Variants in SERGEF observed in about 807,000 individuals in gnomAD.
The protein encoded by SERGEF is secretion-regulating guanine nucleotide exchange factor.
A neutral mutation model predicts 50.0 loss-of-function variants in SERGEF; 51 were observed. That is an observed-to-expected ratio of 1.02 (90% CI 0.81 to 1.29). The LOEUF (loss-of-function observed/expected upper bound fraction) is 1.29, where lower values mean the gene tolerates loss of function less well. Among genes scored for constraint, SERGEF ranks in the 50% most tolerant of loss-of-function variants. The pLI is 0.00. For synonymous variants in SERGEF, 205 were observed against 212.4 expected (o/e 0.97, Z 0.30); for missense variants, 521 against 557.0 (o/e 0.94, Z 0.65).
chr11:17,828,581 CCT>C (rs1340390086), intron 10 of SERGEF, among the ~76,000 whole-genome samples: 1 of 152,066 alleles, frequency 6.6e-6, no homozygotes, highest in African/African-American at 2.4e-5. Flanking sequence ...GCTATTTTTT[CCT>C]CTTTGGGAAA....
At position 17,808,415 on chromosome 11, in the gene SERGEF, G is replaced by A. The variant is rs182707471; in HGVS notation, c.1049-20002C>T. ...ATGGTGAAAGCAGGAGCAAAAGAGCGAGCAGGGGGAAGTGCCATGCGCTTT... is the reference window on the plus strand; with the variant it reads ...ATGGTGAAAGCAGGAGCAAAAGAGCAAGCAGGGGGAAGTGCCATGCGCTTT... On this transcript the variant is annotated intron_variant, in intron 10 of 10. Coordinates refer to ENST00000265965, the MANE Select transcript of SERGEF (RefSeq NM_012139.4). Among the ~76,000 whole-genome samples, 129 of 152,238 alleles carry A rather than the reference G, an allele frequency of 8.5e-4. 1 individual carries two copies. The highest frequency in any genetic ancestry group is 1.5e-3 in the Non-Finnish European group (103 of 68,026).
intron 9 of SERGEF, among the ~76,000 whole-genome samples, chr11:17,911,774 T>C (rs11024429): frequency 0.49 from 75,067 of 151,936 alleles, 19,700 homozygotes; most frequent in East Asian, 0.75. Flanking sequence ...AGGCATTATC[T>C]ACCATGCCCA....
At chr11:17,853,934 C>T (rs1850763180) in intron 10 of SERGEF, 1 of 151,786 alleles carries the variant, frequency 6.6e-6, no homozygotes, top group Non-Finnish European at 1.5e-5. Context: ...GGCAGGGGAA[C>T]CGCTTGAAAT....
At chr11:17,900,585 G>A (rs535162802) in intron 9 of SERGEF, among the ~76,000 whole-genome samples, 52 of 152,082 alleles carry the variant, frequency 3.4e-4, no homozygotes, top group Non-Finnish European at 6.6e-4. Context: ...AGCTTATTGA[G>A]TCAATGGTTC....
chr11:17,963,237 C>G (rs183754951), intron 8 of SERGEF, among the ~76,000 whole-genome samples: 2 of 138,350 alleles, frequency 1.4e-5, no homozygotes, highest in African/African-American at 2.7e-5. Flanking sequence ...ATAAGGGTCA[C>G]AAGAGAAGGA....
At chr11:17,814,715 G>A (rs1849932515) in intron 10 of SERGEF, among the ~76,000 whole-genome samples, 1 of 152,226 alleles carries the variant, frequency 6.6e-6, no homozygotes, top group South Asian at 2.1e-4. Context: ...CCCTAGGTCT[G>A]TGAGGAAGTG....
intron 9 of SERGEF, among the ~76,000 whole-genome samples, chr11:17,904,218 A>T (rs934664394): frequency 6.6e-6 from 1 of 152,254 alleles, no homozygotes; most frequent in Admixed American, 6.5e-5. Flanking sequence ...AAGTAGGAAC[A>T]TTGGCCACAG....
chr11:17,829,879 CA>C lies in SERGEF; in HGVS notation c.1049-41467del, dbSNP rs200610545. On this transcript the variant is annotated intron_variant, in intron 10 of 10. Coordinates refer to ENST00000265965, the MANE Select transcript of SERGEF (RefSeq NM_012139.4). ...GATTTGGGTAGGTTGAAAAAGAAAACAAAAAACACATAAACATTGAGTTCCT... is the reference window on the plus strand; with the variant it reads ...GATTTGGGTAGGTTGAAAAAGAAAACAAAAACACATAAACATTGAGTTCCT... 2.0e-5 allele frequency among the ~76,000 whole-genome samples: 3 copies of C among 152,168 alleles called. No homozygotes were observed. In the East Asian group the frequency reaches 5.8e-4, roughly 29 times the overall value.
At chr11:17,986,811 T>G (rs558941437) in intron 8 of SERGEF, among the ~76,000 whole-genome samples, 24 of 152,338 alleles carry the variant, frequency 1.6e-4, no homozygotes, top group African/African-American at 5.8e-4. Flanking sequence ...ACTGCTAATT[T>G]CTATGCGACT....
intron 10 of SERGEF, among the ~76,000 whole-genome samples, chr11:17,857,730 C>T (rs1241004575): frequency 6.6e-6 from 1 of 152,242 alleles, no homozygotes. Context: ...TGCAGTCACA[C>T]AACTTCCAGC....
intron 9 of SERGEF, among the ~76,000 whole-genome samples, chr11:17,959,171 C>G (rs1433084485): frequency 6.6e-6 from 1 of 152,132 alleles, no homozygotes; most frequent in Non-Finnish European, 1.5e-5. Context: ...GCCTGGCCAG[C>G]CTTGTCATTT....
At chr11:17,793,984 G>C (rs982902820) in intron 10 of SERGEF, among the ~76,000 whole-genome samples, 5 of 152,238 alleles carry the variant, frequency 3.3e-5, no homozygotes, top group Admixed American at 6.5e-5. Flanking sequence ...ACCTGCCCGA[G>C]CTTCTTGGCA....
chr11:17,983,130 A>T (rs1471926828), intron 8 of SERGEF, among the ~76,000 whole-genome samples: 1 of 152,214 alleles, frequency 6.6e-6, no homozygotes, highest in Non-Finnish European at 1.5e-5. Flanking sequence ...TATTCCTTGT[A>T]AGACCACAAG....
chr11:17,905,203 C>T (rs1428170320), intron 9 of SERGEF, among the ~76,000 whole-genome samples: 1 of 152,164 alleles, frequency 6.6e-6, no homozygotes, highest in Non-Finnish European at 1.5e-5. Flanking sequence ...TTTATTCCAC[C>T]CTCTGTTTCT....
At chr11:17,806,358 G>C (rs371642098) in intron 10 of SERGEF, among the ~76,000 whole-genome samples, 13 of 152,318 alleles carry the variant, frequency 8.5e-5, no homozygotes, top group African/African-American at 3.1e-4. Context: ...AACATTTCCT[G>C]AGCTCTTACC....
chr11:17,855,994 C>T (rs1422329229), intron 10 of SERGEF: 3 of 152,224 alleles, frequency 2.0e-5, no homozygotes, highest in South Asian at 4.1e-4. Flanking sequence ...GTCATCTGTA[C>T]TTTGCAGGCT....
chr11:17,808,843 T>G (rs1480251200), intron 10 of SERGEF, among the ~76,000 whole-genome samples: 2 of 152,202 alleles, frequency 1.3e-5, no homozygotes, highest in Non-Finnish European at 2.9e-5. Flanking sequence ...GTATACACTT[T>G]ATAGGGTCAT....
At chr11:18,009,984 TG>T in intron 1 of SERGEF, 1 of 505,510 alleles carries the variant, frequency 2.0e-6, no homozygotes, top group Non-Finnish European at 3.1e-6. Context: ...CAGAGCTTTT[TG>T]TATTCAGAAT....
chr11:17,991,092 G>A lies in SERGEF; in HGVS notation c.685+1839C>T, dbSNP rs1310008165. Among the ~76,000 whole-genome samples, 1 of 152,008 alleles carries A rather than the reference G, an allele frequency of 6.6e-6. No individual in the cohort carries two copies. The highest frequency in any genetic ancestry group is 6.6e-5 in the Admixed American group (1 of 15,254). ...GGTGTGAGCCACAGTGTCCAGCAGG[G>A]CTATTAATCTCCATAATCTTTAGCT... On this transcript the variant is annotated intron_variant, in intron 7 of 10. Transcript: ENST00000265965. The surrounding 1 kb of genome is among the most constrained non-coding windows in gnomAD (Gnocchi z 4.9).
Sources: allele counts gnomAD v4.1 joint callset (sites outside exome capture counted in the v4.1 genomes callset), GRCh38; gene constraint gnomAD v4.1.1; non-coding constraint Gnocchi (gnomAD v3.1); transcripts MANE v1.5; gene names NCBI Gene and HGNC (gene_info 2026-07-23, HGNC 2026-07-21).